TMEM132D: variants seen among roughly 807,000 people sequenced by gnomAD.
TMEM132D encodes the protein transmembrane protein 132D.
In TMEM132D, 21 loss-of-function variants were observed where a neutral mutation model predicts 62.3. The ratio of observed to expected loss-of-function variants is 0.34; its 90% confidence interval spans 0.24 to 0.49. The LOEUF (loss-of-function observed/expected upper bound fraction) is 0.49, where lower values mean the gene tolerates loss of function less well. TMEM132D is among the 20% of genes least tolerant of loss of function. The pLI, the probability that TMEM132D is intolerant of heterozygous loss-of-function variation, is 0.99. For missense variants in TMEM132D, 1,346 were observed against 1,402.8 expected (o/e 0.96, Z 0.65); for synonymous variants, 621 against 575.6 (o/e 1.08, Z -1.13).
chr12:129,660,816 A>G (rs1024036978), intron 2 of TMEM132D, among the ~76,000 whole-genome samples: 2 of 152,086 alleles, frequency 1.3e-5, no homozygotes, highest in African/African-American at 4.8e-5. Flanking sequence ...TCTCCATGAC[A>G]GATAGTTTCT....
chr12:129,337,921 A>T, intron 3 of TMEM132D, 104 bp from the exon 4 acceptor site: 1 of 1,226,074 alleles, frequency 8.2e-7, no homozygotes, highest in Non-Finnish European at 1.1e-6. Context: ...GTACCTCCAC[A>T]TGGAACCAAG....
intron 1 of TMEM132D, among the ~76,000 whole-genome samples, chr12:129,887,398 A>C (rs1020957729): frequency 6.6e-6 from 1 of 152,204 alleles, no homozygotes; most frequent in African/African-American, 2.4e-5. Flanking sequence ...CACATTAAAC[A>C]TATTTGTAAG....
At chr12:129,148,103 G>A (rs1876965938) in intron 5 of TMEM132D, among the ~76,000 whole-genome samples, 1 of 152,112 alleles carries the variant, frequency 6.6e-6, no homozygotes, top group Non-Finnish European at 1.5e-5. Context: ...CCATTGTTTT[G>A]TCTACCTCCT....
At chr12:129,339,852 C>A (rs996620025) in intron 3 of TMEM132D, among the ~76,000 whole-genome samples, 2 of 152,118 alleles carry the variant, frequency 1.3e-5, no homozygotes, top group African/African-American at 4.8e-5. Context: ...TGTGTGAACA[C>A]CGGCATAAAT....
At chr12:129,605,880 C>A (rs1310790797) in intron 2 of TMEM132D, among the ~76,000 whole-genome samples, 1 of 151,894 alleles carries the variant, frequency 6.6e-6, no homozygotes, top group African/African-American at 2.4e-5. Context: ...AGAAACAATG[C>A]AGCCAAGAAA....
chr12:129,610,725 T>G (rs1298970000), intron 2 of TMEM132D, among the ~76,000 whole-genome samples: 1 of 150,820 alleles, frequency 6.6e-6, no homozygotes, highest in Non-Finnish European at 1.5e-5. Context: ...AAGTAAGTAA[T>G]TGATGATGTT....
chr12:129,354,108 A>G (rs1280085361), intron 3 of TMEM132D, among the ~76,000 whole-genome samples: 1 of 152,124 alleles, frequency 6.6e-6, no homozygotes, highest in Non-Finnish European at 1.5e-5. Flanking sequence ...ACAAGGGTCC[A>G]GCTCAGCCCA....
At chr12:129,287,276 A>G (rs1463159292) in intron 4 of TMEM132D, among the ~76,000 whole-genome samples, 1 of 152,272 alleles carries the variant, frequency 6.6e-6, no homozygotes, top group East Asian at 1.9e-4. Context: ...AATCCATGGC[A>G]TAAAACAAAT....
intron 3 of TMEM132D, among the ~76,000 whole-genome samples, chr12:129,376,241 G>T (rs1468686885): frequency 6.6e-6 from 1 of 152,154 alleles, no homozygotes; most frequent in African/African-American, 2.4e-5. Context: ...CCTGAGACTG[G>T]GTGATGCATA....
At chr12:129,160,260 A>AATT (rs1877364372) in intron 5 of TMEM132D, among the ~76,000 whole-genome samples, 1 of 152,196 alleles carries the variant, frequency 6.6e-6, no homozygotes. Context: ...TTGTAGAATC[A>AATT]TCTCTCTCCT....
intron 2 of TMEM132D, among the ~76,000 whole-genome samples, chr12:129,571,561 A>G (rs1287389192): frequency 6.6e-6 from 1 of 152,146 alleles, no homozygotes; most frequent in African/African-American, 2.4e-5. Context: ...TAACAGAATG[A>G]GACTCCATCT....
Position 129,700,288 on chromosome 12 carries a change from T to C in TMEM132D, c.490A>G (p.Lys164Glu), listed in dbSNP as rs760044429. ...GCAAAGACCCTCAGGCACGGCAGCT[T>C]CTCCCCGGCGCTGCGGTCGTCCCAG... ...RDWDDRSAGE[K>E]LPCLRVFAFR... The change falls in exon 2 of 9, where the codon AAG (lysine) becomes GAG (glutamate). Residue 164 changes from lysine to glutamate, a missense_variant. By Grantham distance (56) the Lys-to-Glu change is moderately conservative. Transcript: ENST00000422113. The C allele has an allele frequency of 6.8e-6, 11 of 1,613,398 alleles. No homozygotes were observed. The highest frequency in any genetic ancestry group is 9.3e-6 in the Non-Finnish European group (11 of 1,179,970).
At chr12:129,876,779 A>G (rs1874427792) in intron 1 of TMEM132D, among the ~76,000 whole-genome samples, 1 of 152,144 alleles carries the variant, frequency 6.6e-6, no homozygotes, top group Non-Finnish European at 1.5e-5. Flanking sequence ...ATTTCTTCCA[A>G]GATTTCCACC....
In TMEM132D at chr12:129,599,135, T is replaced by C. The variant is rs910330731; in HGVS notation, c.969-67930A>G. Among the ~76,000 whole-genome samples the C allele has an allele frequency of 3.3e-5, 5 of 152,184 alleles. No homozygotes were observed. In the South Asian group the frequency reaches 6.2e-4, roughly 19 times the overall value. On this transcript the variant is annotated intron_variant, in intron 2 of 8. Coordinates refer to ENST00000422113, the MANE Select transcript of TMEM132D (RefSeq NM_133448.3). ...CAGAGAGGAGAGCACAGCTGAGAAG[T>C]AGAAAATAATTTATGGCTGTGGCTC... is the stretch of plus-strand genomic sequence containing the variant.
intron 5 of TMEM132D, among the ~76,000 whole-genome samples, chr12:129,177,710 A>G (rs1431323225): frequency 2.0e-5 from 3 of 152,182 alleles, no homozygotes; most frequent in African/African-American, 7.2e-5. Flanking sequence ...GTGAGCTATG[A>G]TCGCACCACT....
intron 2 of TMEM132D, among the ~76,000 whole-genome samples, chr12:129,552,811 C>G (rs1382137566): frequency 6.6e-6 from 1 of 152,178 alleles, no homozygotes; most frequent in Admixed American, 6.5e-5. Flanking sequence ...TATCTAGCAT[C>G]TATCTACCGG....
chr12:129,389,197 C>T (rs1199681137), intron 3 of TMEM132D, among the ~76,000 whole-genome samples: 4 of 151,886 alleles, frequency 2.6e-5, no homozygotes, highest in African/African-American at 7.3e-5. Context: ...AGCACTATCA[C>T]CAAGACTAAT....
chr12:129,896,802 C>A (rs1218146319), intron 1 of TMEM132D, among the ~76,000 whole-genome samples: 1 of 151,948 alleles, frequency 6.6e-6, no homozygotes, highest in African/African-American at 2.4e-5. Context: ...ATATACTTTA[C>A]TTACTTTATA....
chr12:129,114,807 T>G (rs931922098), intron 5 of TMEM132D, among the ~76,000 whole-genome samples: 7 of 152,256 alleles, frequency 4.6e-5, no homozygotes, highest in African/African-American at 1.7e-4. Context: ...TCCTTTTACT[T>G]AATGGAATGT....
Sources: allele counts gnomAD v4.1 joint callset (sites outside exome capture counted in the v4.1 genomes callset), GRCh38; gene constraint gnomAD v4.1.1; transcripts MANE v1.5; gene names NCBI Gene and HGNC (gene_info 2026-07-23, HGNC 2026-07-21).